The following DUSP15 variants were observed in gnomAD, a reference collection of about 807,000 sequenced individuals.
The protein encoded by DUSP15 is dual specificity phosphatase 15.
A neutral mutation model predicts 26.3 loss-of-function variants in DUSP15; 23 were observed. The observed-to-expected ratio is 0.87, with a 90% CI of 0.63 to 1.24. The LOEUF (loss-of-function observed/expected upper bound fraction) is 1.24. DUSP15 is among the 50% of genes most tolerant of loss of function. The probability of loss-of-function intolerance (pLI) is 0.00; values close to 1 mark genes in which losing one functional copy is unlikely to be tolerated. For synonymous variants in DUSP15, 143 were observed against 135.5 expected (o/e 1.06, Z -0.39); for missense variants, 364 against 320.6 (o/e 1.14, Z -1.03).
chr20:31,854,433 T>C (rs184731004), intron 6 of DUSP15, among the ~76,000 whole-genome samples: 55 of 152,280 alleles, frequency 3.6e-4, no homozygotes, highest in African/African-American at 1.3e-3. Context: ...TGGTAATTTA[T>C]TGTGACACTT....
chr20:31,861,656 T>TCCTCCAGCTGCC lies in DUSP15; in HGVS notation c.443_454dup (p.Glu151_Glu152insGlyGlnLeuGlu), dbSNP rs1568681782. On this transcript the variant is annotated inframe_insertion, in exon 7 of 7. Coordinates refer to ENST00000339738, the MANE Select transcript of DUSP15 (RefSeq NM_080611.5). ...GCGGAAGGGGCTCTCGCCGAAGCGC[T>TCCTCCAGCTGCC]CCTCCAGCTGCCGGCGAAGCTGGGG... 1 of 1,155,062 alleles carries TCCTCCAGCTGCC rather than the reference T, an allele frequency of 8.7e-7. No homozygotes were observed. The highest frequency in any genetic ancestry group is 3.1e-5 in the Admixed American group (1 of 31,994). 71.6% of individuals were successfully genotyped at this position (1,155,062 alleles called of 1,614,324 possible). A position where few individuals can be genotyped will look rare whatever the true frequency, so the allele number is the denominator to read the frequency against.
chr20:31,861,989 G>C (rs2062670693), intron 6 of DUSP15, among the ~76,000 whole-genome samples: 1 of 146,072 alleles, frequency 6.8e-6, no homozygotes, highest in Admixed American at 6.7e-5. Flanking sequence ...TGCACTTCTG[G>C]GTAACTCCTC....
At chr20:31,849,787 C>T (rs1600431718) in exon 8 of DUSP15, 1 of 1,540,258 alleles carries the variant, frequency 6.5e-7, no homozygotes, top group Non-Finnish European at 8.7e-7. Context: ...CGGCCGCCCG[C>T]GGACTCAGAC....
At chr20:31,869,868 TAGG>T in intron 1 of DUSP15, 3 of 1,396,334 alleles carry the variant, frequency 2.1e-6, no homozygotes, top group South Asian at 3.0e-5. Context: ...AGGCAGGTCT[TAGG>T]AGGAGAGGAG....
Position 31,864,042 on chromosome 20 carries a change from G to A in DUSP15, c.189-61C>T, listed in dbSNP as rs993602615. On this transcript the variant is annotated intron_variant, in intron 4 of 6. Transcript: ENST00000339738. ...GGGCAGACCTCTCAGGAGTTGTTCC[G>A]CCCCCACCCCAATTACAGGATAGCA... The A allele has an allele frequency of 8.7e-6, 14 of 1,600,830 alleles. No individual in the cohort carries two copies. The South Asian group carries it at 1.1e-4, about 13-fold the overall frequency.
At chr20:31,869,968 G>A in intron 1 of DUSP15, 2 of 1,354,856 alleles carry the variant, frequency 1.5e-6, no homozygotes, top group Non-Finnish European at 1.9e-6. Context: ...GGCGGGACAG[G>A]ATGGAGAAAC....
chr20:31,870,173 T>G lies in DUSP15; in HGVS notation c.21+144A>C. ...AGAGGGGGAGACCCGACAGCCGCGG[T>G]CTCGAGTCACAGGGACACGGAGATG... On this transcript the variant is annotated intron_variant, in intron 1 of 6. Transcript: ENST00000339738. The surrounding 1 kb of genome is among the most constrained non-coding windows in gnomAD (Gnocchi z 6.6). The G allele has an allele frequency of 8.2e-7, 1 of 1,225,498 alleles. No individual in the cohort carries two copies. The highest frequency in any genetic ancestry group is 4.1e-5 in the South Asian group (1 of 24,166). 75.9% of individuals were successfully genotyped at this position (1,225,498 alleles called of 1,614,324 possible).
At chr20:31,865,656 A>G (rs2123286015) in intron 3 of DUSP15, among the ~76,000 whole-genome samples, 1 of 152,290 alleles carries the variant, frequency 6.6e-6, no homozygotes, top group Middle Eastern at 3.4e-3. Flanking sequence ...GGCAGTAACT[A>G]AGGGACCACC....
intron 2 of DUSP15, 97 bp downstream of exon 2, chr20:31,869,467 C>G: frequency 6.6e-7 from 1 of 1,509,302 alleles, no homozygotes; most frequent in African/African-American, 1.4e-5. Flanking sequence ...TGCCCCCAAC[C>G]CCATTCCTGA....
chr20:31,848,108 A>C, exon 10 of DUSP15: 3 of 387,892 alleles, frequency 7.7e-6, no homozygotes, highest in East Asian at 5.1e-5. Flanking sequence ...CTCTGAGGAA[A>C]GCGCTATTGA....
chr20:31,861,722 G>A (rs1307760062), intron 6 of DUSP15, 47 bp from the exon 7 acceptor site: 2 of 1,351,970 alleles, frequency 1.5e-6, no homozygotes, highest in African/African-American at 1.5e-5. Flanking sequence ...GGCGCGGGGC[G>A]GGGTCAAGGC....
At chr20:31,866,254 T>C (rs750632048) in intron 3 of DUSP15, among the ~76,000 whole-genome samples, 1 of 152,214 alleles carries the variant, frequency 6.6e-6, no homozygotes, top group Non-Finnish European at 1.5e-5. Flanking sequence ...CAGACTCTAA[T>C]AGATAAGGGT....
intron 8 of DUSP15, chr20:31,849,419 C>T (rs1310839269): frequency 2.0e-6 from 1 of 508,758 alleles, no homozygotes; most frequent in Non-Finnish European, 3.7e-6. Context: ...CACCCTTAGG[C>T]CCATCCCCCT....
chr20:31,866,756 T>C (rs568929240), intron 3 of DUSP15, among the ~76,000 whole-genome samples: 150 of 152,348 alleles, frequency 9.8e-4, no homozygotes, highest in South Asian at 2.5e-3. Context: ...TTTGGATTCA[T>C]CCATCCAGTT....
At chr20:31,848,061 A>G in exon 10 of DUSP15, 1 of 233,574 alleles carries the variant, frequency 4.3e-6, no homozygotes, top group Admixed American at 5.8e-5. Context: ...AACTTTAAGC[A>G]AACGTTTTAA....
chr20:31,866,844 C>A (rs780747689), intron 3 of DUSP15, among the ~76,000 whole-genome samples: 7 of 152,204 alleles, frequency 4.6e-5, no homozygotes, highest in Non-Finnish European at 8.8e-5. Context: ...TGTGTTCATA[C>A]CCCAACTCCT....
chr20:31,867,846 C>A (rs573870845), intron 2 of DUSP15, among the ~76,000 whole-genome samples: 1 of 151,936 alleles, frequency 6.6e-6, no homozygotes, highest in African/African-American at 2.4e-5. Context: ...GGGGTTTCAC[C>A]GTGTTAGCCA....
intron 2 of DUSP15, among the ~76,000 whole-genome samples, chr20:31,868,572 C>G (rs532728679): frequency 6.6e-6 from 1 of 150,870 alleles, no homozygotes; most frequent in Non-Finnish European, 1.5e-5. Flanking sequence ...CCCCGCCTCC[C>G]GGGTTCAAGT....
intron 8 of DUSP15, chr20:31,849,709 G>T (rs553133966): frequency 6.5e-7 from 1 of 1,529,882 alleles, no homozygotes; most frequent in African/African-American, 1.4e-5. Context: ...CAACACGTGG[G>T]CGCTGGGCAA....
Sources: allele counts gnomAD v4.1 joint callset (sites outside exome capture counted in the v4.1 genomes callset), GRCh38; gene constraint gnomAD v4.1.1; non-coding constraint Gnocchi (gnomAD v3.1); transcripts MANE v1.5; gene names NCBI Gene and HGNC (gene_info 2026-07-23, HGNC 2026-07-21).